SAXO4: variants seen among roughly 807,000 people sequenced by gnomAD.
SAXO4 encodes protein phosphatase 1 regulatory subunit 32.
the SAXO4 span, chr11:61,485,819 A>T: frequency 6.2e-7 from 1 of 1,613,892 alleles, no homozygotes. Flanking sequence ...GAAGAAATCG[A>T]TCGGCGCAAA....
At chr11:61,485,297 G>T in the SAXO4 span, 1 of 1,586,470 alleles carries the variant, frequency 6.3e-7, no homozygotes, top group South Asian at 1.1e-5. Flanking sequence ...TCGGGGCCCT[G>T]GTGGGTCAGT....
At chr11:61,486,012 T>G in the SAXO4 span, 1 of 837,180 alleles carries the variant, frequency 1.2e-6, no homozygotes, top group South Asian at 1.7e-5. Context: ...GAGCCCTTTG[T>G]TCAAACACAA....
the SAXO4 span, among the ~76,000 whole-genome samples, chr11:61,490,305 G>T: frequency 6.6e-6 from 1 of 152,200 alleles, no homozygotes; most frequent in African/African-American, 2.4e-5. Context: ...GCTCCTTTCT[G>T]CTCAATTCAA....
At chr11:61,485,388 T>G in the SAXO4 span, 4 of 1,613,842 alleles carry the variant, frequency 2.5e-6, no homozygotes, top group Non-Finnish European at 3.4e-6. Flanking sequence ...TCAGGGACCC[T>G]CTAGACCAGC....
At chr11:61,490,556 G>A in the SAXO4 span, 54 of 1,613,960 alleles carry the variant, frequency 3.3e-5, no homozygotes, top group Non-Finnish European at 2.9e-5. Flanking sequence ...CAGCCGCTGC[G>A]TGGCACACAG....
the SAXO4 span, chr11:61,485,298 G>A: frequency 6.3e-7 from 1 of 1,585,092 alleles, no homozygotes. Flanking sequence ...CGGGGCCCTG[G>A]TGGGTCAGTG....
the SAXO4 span, chr11:61,487,108 C>T: frequency 6.2e-7 from 1 of 1,612,470 alleles, no homozygotes. Context: ...CCCACCCCTT[C>T]TGACTTGACA....
At chr11:61,490,543 C>A in the SAXO4 span, 1 of 1,614,164 alleles carries the variant, frequency 6.2e-7, no homozygotes, top group Non-Finnish European at 8.5e-7. Flanking sequence ...ACACACCTCA[C>A]AGCAGCCGCT....
the SAXO4 span, chr11:61,486,020 C>A: frequency 1.3e-6 from 1 of 792,250 alleles, no homozygotes; most frequent in South Asian, 1.8e-5. Flanking sequence ...TGTTCAAACA[C>A]AAGACGAAAG....
At chr11:61,483,532 A>T in the SAXO4 span, among the ~76,000 whole-genome samples, 1 of 152,136 alleles carries the variant, frequency 6.6e-6, no homozygotes, top group African/African-American at 2.4e-5. Flanking sequence ...ACCAAAATGG[A>T]CACTCATTCA....
At chr11:61,490,612 G>A in the SAXO4 span, 1 of 1,581,364 alleles carries the variant, frequency 6.3e-7, no homozygotes, top group African/African-American at 1.3e-5. Context: ...CCCACACTCA[G>A]CTGCTCTGGT....
the SAXO4 span, chr11:61,485,649 G>C: frequency 2.9e-6 from 2 of 690,244 alleles, no homozygotes; most frequent in East Asian, 5.4e-5. Flanking sequence ...CTGGACTCTG[G>C]AATCCTCACC....
the SAXO4 span, chr11:61,482,493 G>C: frequency 6.4e-6 from 10 of 1,566,776 alleles, no homozygotes; most frequent in Admixed American, 1.7e-4. Flanking sequence ...AGGTTCCTTG[G>C]ATGGGGACCC....
At chr11:61,482,885 C>A in the SAXO4 span, 2 of 1,442,604 alleles carry the variant, frequency 1.4e-6, no homozygotes, top group South Asian at 1.4e-5. Context: ...AACAGTTGGT[C>A]AAGGTGGAGG....
chr11:61,485,282 C>T, the SAXO4 span: 10 of 1,527,862 alleles, frequency 6.5e-6, no homozygotes, highest in Middle Eastern at 2.1e-4. Context: ...CGCCGCCACA[C>T]GCCTTCGGGG....
At chr11:61,488,295 C>T in the SAXO4 span, among the ~76,000 whole-genome samples, 7,403 of 124,878 alleles carry the variant, frequency 0.059, 538 homozygotes, top group African/African-American at 0.18. Flanking sequence ...CCAAGAAGTA[C>T]AATTCCTTTT....
the SAXO4 span, chr11:61,482,055 C>T: frequency 1.4e-3 from 995 of 702,020 alleles, 13 homozygotes; most frequent in African/African-American, 0.016. Flanking sequence ...GGGCCCTGCC[C>T]GGCTGCTCCC....
the SAXO4 span, chr11:61,489,773 C>G: frequency 2.5e-6 from 4 of 1,614,014 alleles, no homozygotes; most frequent in South Asian, 1.1e-5. Flanking sequence ...GACCCCTCCT[C>G]TCCTCCAGGT....
At chr11:61,485,825 G>T in the SAXO4 span, 1 of 1,613,882 alleles carries the variant, frequency 6.2e-7, no homozygotes, top group East Asian at 2.2e-5. Flanking sequence ...ATCGATCGGC[G>T]CAAAGGAGGG....
Sources: allele counts gnomAD v4.1 joint callset (sites outside exome capture counted in the v4.1 genomes callset), GRCh38; gene constraint gnomAD v4.1.1; transcripts MANE v1.5; gene names NCBI Gene and HGNC (gene_info 2026-07-23, HGNC 2026-07-21).